Variants in ZC3H18 observed in about 807,000 individuals in gnomAD.
The protein encoded by ZC3H18 is zinc finger CCCH domain-containing protein 18.
In ZC3H18, 8 loss-of-function variants were observed where a neutral mutation model predicts 106.1. That is an observed-to-expected ratio of 0.08 (90% confidence interval 0.04 to 0.14). The LOEUF (loss-of-function observed/expected upper bound fraction) is 0.14, where lower values mean the gene tolerates loss of function less well. Among genes scored for constraint, ZC3H18 ranks in the 10% least tolerant of loss-of-function variants. The pLI, the probability that ZC3H18 is intolerant of heterozygous loss-of-function variation, is 1.00. For missense variants in ZC3H18, 1,318 were observed against 1,278.4 expected, an observed-to-expected ratio of 1.03 and a Z score of -0.47; for synonymous variants, 635 against 522.1, an observed-to-expected ratio of 1.22 and a Z score of -2.95.
chr16:88,585,791 AG>A (rs1325753941), intron 2 of ZC3H18, among the ~76,000 whole-genome samples: 1 of 151,660 alleles, frequency 6.6e-6, no homozygotes, highest in Non-Finnish European at 1.5e-5. Context: ...GGAGATGGGG[AG>A]GGGGATCAAG....
In ZC3H18 at chr16:88,577,041, A is replaced by G. The variant is rs1009250441; in HGVS notation, c.-14-69A>G. 1.3e-5 allele frequency: 20 copies of G among 1,483,008 alleles called. No individual in the cohort carries two copies. The African/African-American group carries it at 1.6e-4, about 12-fold the overall frequency. The allele number at this position is 1,483,008 out of a possible 1,614,324, so 91.9% of individuals were successfully genotyped here. Reference sequence around the variant, plus strand: ...GATGGAAGTCCTGCTGCTTCAGGCCAGGAAAGTAGGGACAAGGTTTGTTTT... The same window carrying G: ...GATGGAAGTCCTGCTGCTTCAGGCCGGGAAAGTAGGGACAAGGTTTGTTTT... On this transcript the variant is annotated intron_variant, in intron 1 of 17. Transcript: ENST00000301011.
Position 88,627,815 on chromosome 16 carries a change from G to A in ZC3H18, c.2269+33G>A, listed in dbSNP as rs374432509. On this transcript the variant is annotated intron_variant, in intron 14 of 17. Coordinates refer to ENST00000301011, the MANE Select transcript of ZC3H18 (RefSeq NM_144604.4). This position sits in a 1 kb window ranked among gnomAD's most constrained non-coding sequence, Gnocchi z 4.5. ...GGAGCCCTGGTACCTTTGGGGAGCA[G>A]CTCCCGGGGGAGGAGGGCGGCATCA... 3 of 1,609,882 alleles carry A rather than the reference G, an allele frequency of 1.9e-6. No individual in the cohort carries two copies. The highest frequency in any genetic ancestry group is 2.7e-5 in the African/African-American group (2 of 75,006).
Position 88,631,389 on chromosome 16 carries a change from G to A in ZC3H18, c.*90G>A. On this transcript the variant is annotated 3_prime_UTR_variant, in exon 18 of 18. Transcript: ENST00000301011. The stretch of plus-strand genomic sequence containing the variant: ...GCAGTTAATGTCTTATTTTGGCTGT[G>A]ATTCTTTTTAAAAAGTAAAAAAGAA... 1 of 1,478,284 alleles carries A rather than the reference G, an allele frequency of 6.8e-7. No individual in the cohort carries two copies. The highest frequency in any genetic ancestry group is 9.1e-7 in the Non-Finnish European group (1 of 1,102,110). 91.6% of individuals were successfully genotyped at this position (1,478,284 alleles called of 1,614,324 possible). A position where few individuals can be genotyped will look rare whatever the true frequency, so the allele number is the denominator to read the frequency against.
At chr16:88,587,746 C>G (rs998937241) in intron 3 of ZC3H18, 1 of 866,502 alleles carries the variant, frequency 1.2e-6, no homozygotes, top group Admixed American at 2.4e-5. Flanking sequence ...GGGCAGAGAG[C>G]TGTTCGGAAC....
intron 8 of ZC3H18, among the ~76,000 whole-genome samples, 197 bp from the exon 9 acceptor site, chr16:88,622,000 G>C (rs1905994792): frequency 6.6e-6 from 1 of 152,174 alleles, no homozygotes; most frequent in African/African-American, 2.4e-5. Flanking sequence ...ACTGAGCCAA[G>C]GGCCATGGAC....
chr16:88,582,250 A>G (rs1333822650), intron 2 of ZC3H18, among the ~76,000 whole-genome samples: 5 of 70,256 alleles, frequency 7.1e-5, no homozygotes, highest in African/African-American at 3.0e-4. Flanking sequence ...TTTGAGATGG[A>G]GTCTTGCTCT....
chr16:88,624,415 G>A, intron 11 of ZC3H18, 187 bp from the exon 12 acceptor site: 1 of 919,082 alleles, frequency 1.1e-6, no homozygotes, highest in South Asian at 1.7e-5. Context: ...GCTGCTGGGG[G>A]CTTTGAAGCC....
chr16:88,586,474 A>T, intron 2 of ZC3H18, 126 bp from the exon 3 acceptor site: 3 of 783,660 alleles, frequency 3.8e-6, no homozygotes, highest in Non-Finnish European at 6.6e-6. Flanking sequence ...TGGAAAATTG[A>T]CGTGAATTCA....
chr16:88,615,999 T>G (rs1474653977), intron 8 of ZC3H18, among the ~76,000 whole-genome samples: 1 of 152,242 alleles, frequency 6.6e-6, no homozygotes, highest in Non-Finnish European at 1.5e-5. Context: ...GATTCCCGAC[T>G]GCTGTGCCCG....
At chr16:88,581,602 G>T (rs1915134160) in intron 2 of ZC3H18, among the ~76,000 whole-genome samples, 2 of 152,162 alleles carry the variant, frequency 1.3e-5, no homozygotes, top group Non-Finnish European at 1.5e-5. Context: ...GCTCATTTGT[G>T]GTGTGGGTGA....
chr16:88,631,476 C>A lies in ZC3H18; in HGVS notation c.*177C>A. 3 of 831,044 alleles carry A rather than the reference C, an allele frequency of 3.6e-6. No homozygotes were observed. The highest frequency in any genetic ancestry group is 1.6e-5 in the South Asian group (1 of 63,346). The allele number at this position is 831,044 out of a possible 1,614,324, so 51.5% of individuals were successfully genotyped here. A position where few individuals can be genotyped will look rare whatever the true frequency, so the allele number is the denominator to read the frequency against. On this transcript the variant is annotated 3_prime_UTR_variant, in exon 18 of 18. Transcript: ENST00000301011. ...AAATGACAACGACGCTGAATCCCAG[C>A]CTCCCTCCCCAGAGCAGAAGTCCCG...
intron 3 of ZC3H18, among the ~76,000 whole-genome samples, chr16:88,597,585 C>T (rs1270556834): frequency 1.3e-5 from 2 of 152,166 alleles, no homozygotes; most frequent in Non-Finnish European, 2.9e-5. Flanking sequence ...TTTACTAACC[C>T]GGATATTCTG....
At chr16:88,624,862 C>G in intron 12 of ZC3H18, 117 bp downstream of exon 12, 1 of 1,400,104 alleles carries the variant, frequency 7.1e-7, no homozygotes, top group Non-Finnish European at 9.4e-7. Flanking sequence ...GGGAAGCGCC[C>G]CCTAGCCGAG....
chr16:88,578,840 G>C (rs1204582199), intron 2 of ZC3H18, among the ~76,000 whole-genome samples: 1 of 152,132 alleles, frequency 6.6e-6, no homozygotes, highest in Non-Finnish European at 1.5e-5. Context: ...ACAGGCGCCC[G>C]CCACCACTGG....
intron 6 of ZC3H18, among the ~76,000 whole-genome samples, chr16:88,605,076 A>G (rs532457172): frequency 6.6e-6 from 1 of 152,256 alleles, no homozygotes; most frequent in African/African-American, 2.4e-5. Flanking sequence ...TTCCTCAGGT[A>G]ACAGGTCTAC....
At chr16:88,586,116 G>A (rs978611355) in intron 2 of ZC3H18, among the ~76,000 whole-genome samples, 1 of 152,166 alleles carries the variant, frequency 6.6e-6, no homozygotes, top group African/African-American at 2.4e-5. Flanking sequence ...AGGGTGAGGA[G>A]CTGGTTGAGG....
chr16:88,627,603 G>C lies in ZC3H18; in HGVS notation c.2109-19G>C, dbSNP rs1906391532. 3 of 1,587,518 alleles carry C rather than the reference G, an allele frequency of 1.9e-6. No individual in the cohort carries two copies. Among genetic ancestry groups the C allele is most frequent in the Non-Finnish European group, 2.6e-6 (3 of 1,161,162 alleles). On this transcript the variant is annotated intron_variant, in intron 13 of 17. Coordinates refer to ENST00000301011, the MANE Select transcript of ZC3H18 (RefSeq NM_144604.4). The surrounding 1 kb of genome is among the most constrained non-coding windows in gnomAD (Gnocchi z 4.5). ...CTCCAGTCTGGCTGGGGTGTGGTGA[G>C]ATGTGCTTGTGTGTCCAGGTCCCTG...
intron 1 of ZC3H18, among the ~76,000 whole-genome samples, chr16:88,573,407 A>G (rs1914532692): frequency 6.6e-6 from 1 of 151,764 alleles, no homozygotes; most frequent in Non-Finnish European, 1.5e-5. Flanking sequence ...CCCCACGCAG[A>G]CTCCCAGTCT....
intron 6 of ZC3H18, among the ~76,000 whole-genome samples, chr16:88,607,074 G>C (rs1905045694): frequency 1.3e-5 from 2 of 151,668 alleles, no homozygotes; most frequent in Non-Finnish European, 1.5e-5. Context: ...TTTAGAGCAG[G>C]CCCCCCCCAA....
Sources: gnomAD v4.1 joint callset for allele counts (sites outside exome capture counted in the v4.1 genomes callset) on GRCh38, gnomAD v4.1.1 for gene constraint, Gnocchi (gnomAD v3.1) non-coding constraint, MANE v1.5 for transcripts, NCBI Gene and HGNC (gene_info 2026-07-23, HGNC 2026-07-21) for gene names.